Variants in CNTN5 observed in about 807,000 individuals in gnomAD.
CNTN5 encodes contactin 5, also known as contactin-5.
CNTN5 carries 77 observed loss-of-function variants against 129.1 expected under a neutral mutation model. The ratio of observed to expected loss-of-function variants is 0.60; its 90% confidence interval spans 0.50 to 0.72. The LOEUF is 0.72. Ranked by LOEUF, CNTN5 falls within the 30% of genes least tolerant of loss-of-function variation. CNTN5 has a pLI of 0.00. For missense variants in CNTN5, 1,478 were observed against 1,328.8 expected (o/e 1.11, Z -1.75); for synonymous variants, 509 against 465.6 (o/e 1.09, Z -1.20).
intron 1 of CNTN5, among the ~76,000 whole-genome samples, chr11:99,292,584 C>T (rs900644539): frequency 1.3e-5 from 2 of 152,120 alleles, no homozygotes; most frequent in African/African-American, 2.4e-5. Context: ...TTCCTTCCCA[C>T]CTACTTTCCT....
At chr11:100,021,507 T>C (rs1941146807) in intron 9 of CNTN5, among the ~76,000 whole-genome samples, 1 of 152,216 alleles carries the variant, frequency 6.6e-6, no homozygotes, top group Admixed American at 6.5e-5. Context: ...ATAGTGTACA[T>C]ACTTTAGGAT....
intron 2 of CNTN5, among the ~76,000 whole-genome samples, chr11:99,475,568 CTCTTA>C (rs765052274): frequency 1.3e-4 from 20 of 152,018 alleles, no homozygotes; most frequent in African/African-American, 1.9e-4. Flanking sequence ...TTATTTCCTT[CTCTTA>C]TCTTATTCTC....
intron 1 of CNTN5, among the ~76,000 whole-genome samples, chr11:99,172,680 A>G (rs770123515): frequency 6.6e-6 from 1 of 152,240 alleles, no homozygotes; most frequent in Non-Finnish European, 1.5e-5. Flanking sequence ...CAATGAATCT[A>G]TAGTTATGAA....
intron 1 of CNTN5, among the ~76,000 whole-genome samples, chr11:99,113,348 AG>A (rs1212017752): frequency 2.0e-5 from 3 of 152,108 alleles, no homozygotes; most frequent in African/African-American, 7.2e-5. Flanking sequence ...TTGTCTTGAA[AG>A]CAGGACCTAA....
At chr11:99,244,189 G>A (rs1225191592) in intron 1 of CNTN5, among the ~76,000 whole-genome samples, 1 of 152,024 alleles carries the variant, frequency 6.6e-6, no homozygotes, top group East Asian at 1.9e-4. Flanking sequence ...ACCTTGGATA[G>A]ATATATCCCT....
chr11:99,889,312 GTGTGTGTGT>G (rs1565642586), intron 6 of CNTN5, among the ~76,000 whole-genome samples: 2 of 113,178 alleles, frequency 1.8e-5, no homozygotes, highest in African/African-American at 5.5e-5. Context: ...GTGTGTGTGT[GTGTGTGTGT>G]GTGTGTGTGT....
At chr11:99,477,394 C>T (rs957201250) in intron 2 of CNTN5, among the ~76,000 whole-genome samples, 5 of 151,866 alleles carry the variant, frequency 3.3e-5, no homozygotes, top group Admixed American at 3.3e-4. Context: ...TAACTAAACT[C>T]TGAGTCTCTT....
At chr11:99,954,319 C>A (rs1224477437) in intron 7 of CNTN5, among the ~76,000 whole-genome samples, 1 of 151,432 alleles carries the variant, frequency 6.6e-6, no homozygotes, top group African/African-American at 2.4e-5. Context: ...AGACCAAGAA[C>A]TTCTAAAACA....
At chr11:99,625,693 C>G (rs2135781145) in intron 3 of CNTN5, among the ~76,000 whole-genome samples, 1 of 151,790 alleles carries the variant, frequency 6.6e-6, no homozygotes, top group South Asian at 2.1e-4. Flanking sequence ...TTATAAAGAC[C>G]TTTTTTCTGT....
chr11:99,918,759 C>A (rs1591419396), intron 7 of CNTN5, among the ~76,000 whole-genome samples: 1 of 152,168 alleles, frequency 6.6e-6, no homozygotes, highest in South Asian at 2.1e-4. Flanking sequence ...TTCAGCATCC[C>A]TGTTCTTCGT....
At chr11:99,616,882 G>A (rs775727004) in intron 3 of CNTN5, among the ~76,000 whole-genome samples, 11 of 152,190 alleles carry the variant, frequency 7.2e-5, no homozygotes, top group East Asian at 3.9e-4. Flanking sequence ...AGGCCGAGGC[G>A]GGTCGATGAC....
At chr11:99,430,187 G>A (rs1943303843) in intron 2 of CNTN5, among the ~76,000 whole-genome samples, 1 of 152,024 alleles carries the variant, frequency 6.6e-6, no homozygotes, top group East Asian at 1.9e-4. Flanking sequence ...TGGTAAAGGG[G>A]AAAGGAGGAA....
chr11:99,062,951 C>A (rs574231584), intron 1 of CNTN5, among the ~76,000 whole-genome samples: 31 of 152,138 alleles, frequency 2.0e-4, no homozygotes, highest in Admixed American at 7.2e-4. Flanking sequence ...ACATAGTCAT[C>A]TTTACTGATG....
At chr11:99,765,860 T>A (rs919300495) in intron 3 of CNTN5, among the ~76,000 whole-genome samples, 3 of 151,914 alleles carry the variant, frequency 2.0e-5, no homozygotes, top group Admixed American at 6.6e-5. Context: ...TGGATCTGTA[T>A]TCTGGTGACA....
chr11:99,370,600 A>G (rs1939764770), intron 2 of CNTN5, among the ~76,000 whole-genome samples: 1 of 152,208 alleles, frequency 6.6e-6, no homozygotes, highest in African/African-American at 2.4e-5. Flanking sequence ...GTTTAAATGT[A>G]ATCACATTTA....
intron 3 of CNTN5, among the ~76,000 whole-genome samples, chr11:99,676,894 A>G (rs1953311541): frequency 6.6e-6 from 1 of 152,156 alleles, no homozygotes; most frequent in Admixed American, 6.5e-5. Flanking sequence ...ATCTTCTTGT[A>G]TGCTAATCAC....
intron 1 of CNTN5, among the ~76,000 whole-genome samples, chr11:99,219,886 C>T (rs893227121): frequency 6.6e-6 from 1 of 151,916 alleles, no homozygotes. Context: ...AATTTCTCAT[C>T]TCTGCCTTAT....
intron 13 of CNTN5, among the ~76,000 whole-genome samples, chr11:100,160,249 A>T (rs1315800236): frequency 6.6e-6 from 1 of 151,926 alleles, no homozygotes; most frequent in Non-Finnish European, 1.5e-5. Flanking sequence ...AAGAACATGA[A>T]TTCAACTTTT....
chr11:100,291,895 A>G (rs1175895872), intron 18 of CNTN5, among the ~76,000 whole-genome samples: 1 of 151,448 alleles, frequency 6.6e-6, no homozygotes, highest in Non-Finnish European at 1.5e-5. Flanking sequence ...CAAACAAACA[A>G]CAACAAAAAA....
Sources: gnomAD v4.1 joint callset for allele counts (sites outside exome capture counted in the v4.1 genomes callset) on GRCh38, gnomAD v4.1.1 for gene constraint, MANE v1.5 for transcripts, NCBI Gene and HGNC (gene_info 2026-07-23, HGNC 2026-07-21) for gene names.